The following PRKN variants were observed in gnomAD, a reference collection of about 807,000 sequenced individuals.
PRKN encodes the protein E3 ubiquitin-protein ligase parkin.
A neutral mutation model predicts 59.5 loss-of-function variants in PRKN; 56 were observed. The ratio of observed to expected loss-of-function variants is 0.94; its 90% CI spans 0.76 to 1.18. The LOEUF (loss-of-function observed/expected upper bound fraction) is 1.18, where lower values mean the gene tolerates loss of function less well. PRKN is among the 50% of genes most tolerant of loss of function. PRKN has a pLI of 0.00. For synonymous variants in PRKN, 250 were observed against 222.1 expected (o/e 1.13, Z -1.12); for missense variants, 657 against 596.4 (o/e 1.10, Z -1.06).
Position 161,451,351 on chromosome 6 carries a change from C to G in PRKN, c.1084-64474G>C, listed in dbSNP as rs1480743176. Among the ~76,000 whole-genome samples, 1 of 152,204 alleles carries G rather than the reference C, an allele frequency of 6.6e-6. No homozygotes were observed. The highest frequency in any genetic ancestry group is 2.4e-5 in the African/African-American group (1 of 41,436). On this transcript the variant is annotated intron_variant, in intron 9 of 11. Transcript: ENST00000366898. This position sits in a 1 kb window ranked among gnomAD's most constrained non-coding sequence, Gnocchi z 5.9. ...GAACATTGTCTTCTGTCAGCTCCCT[C>G]TTGATTTTGGGACCAAGCATTGAAT...
intron 7 of PRKN, among the ~76,000 whole-genome samples, chr6:161,768,332 G>A (rs7741770): frequency 0.083 from 12,626 of 152,162 alleles, 1,739 homozygotes; most frequent in African/African-American, 0.29. Flanking sequence ...TTACATGCGT[G>A]TGTACATTTT....
At chr6:162,045,506 G>A (rs924829705) in intron 5 of PRKN, among the ~76,000 whole-genome samples, 1 of 152,234 alleles carries the variant, frequency 6.6e-6, no homozygotes, top group Non-Finnish European at 1.5e-5. Context: ...TCAACAGTAC[G>A]TGACATCGTC....
Position 161,484,985 on chromosome 6 carries a change from G to T in PRKN, c.1083+63869C>A, listed in dbSNP as rs928272250. ...TTGAGGCAAAAATCAGGTCGGACTA[G>T]CATCAGTGGCAAAGGAACCAGTCAG... On this transcript the variant is annotated intron_variant, in intron 9 of 11. Transcript: ENST00000366898. This position sits in a 1 kb window ranked among gnomAD's most constrained non-coding sequence, Gnocchi z 4.9. Among the ~76,000 whole-genome samples the T allele has an allele frequency of 6.6e-6, 1 of 152,186 alleles. No homozygotes were observed. The highest frequency in any genetic ancestry group is 2.4e-5 in the African/African-American group (1 of 41,448).
At chr6:162,599,938 T>C (rs1292591834) in intron 1 of PRKN, among the ~76,000 whole-genome samples, 1 of 152,216 alleles carries the variant, frequency 6.6e-6, no homozygotes, top group East Asian at 1.9e-4. Flanking sequence ...GAAGAAACCA[T>C]GTATCCAAAT....
chr6:161,797,029 A>G (rs1415872848), intron 6 of PRKN, among the ~76,000 whole-genome samples: 1 of 152,220 alleles, frequency 6.6e-6, no homozygotes, highest in Non-Finnish European at 1.5e-5. Flanking sequence ...AAACCTCATG[A>G]CAGGAAGAAT....
intron 2 of PRKN, among the ~76,000 whole-genome samples, chr6:162,367,542 A>C (rs544442142): frequency 1.3e-5 from 2 of 152,260 alleles, no homozygotes; most frequent in East Asian, 3.9e-4. Context: ...TGCTCATAAA[A>C]TCTCCAGGAC....
At chr6:161,680,765 ATATATATATATT>A (rs1305058454) in intron 7 of PRKN, among the ~76,000 whole-genome samples, 13 of 10,888 alleles carry the variant, frequency 1.2e-3, no homozygotes, top group African/African-American at 2.8e-3. Context: ...ATATATATAT[ATATATATATATT>A]TTTTTTTTTT....
chr6:161,973,298 T>G lies in PRKN; in HGVS notation c.734+4A>C, dbSNP rs1342671422. The G allele has an allele frequency of 6.3e-7, 1 of 1,593,528 alleles. No individual in the cohort carries two copies. The highest frequency in any genetic ancestry group is 2.2e-5 in the East Asian group (1 of 44,776). On this transcript the variant is annotated splice_donor_region_variant and intron_variant, in intron 6 of 11. Transcript: ENST00000366898. ...GGGAAGTGACACTATTTTTAGATCC[T>G]TACCTGACGTCTGTGCACGTAATGC...
At chr6:162,722,015 C>T (rs1190283650) in intron 1 of PRKN, among the ~76,000 whole-genome samples, 3 of 152,138 alleles carry the variant, frequency 2.0e-5, no homozygotes, top group Non-Finnish European at 4.4e-5. Flanking sequence ...TTTCTAATTA[C>T]TCTTCTTCTG....
At chr6:161,865,886 A>T (rs1794092384) in intron 6 of PRKN, among the ~76,000 whole-genome samples, 2 of 152,194 alleles carry the variant, frequency 1.3e-5, no homozygotes, top group African/African-American at 4.8e-5. Context: ...AACTTGGATA[A>T]CTTATTGGAG....
chr6:161,393,924 A>C lies in PRKN; in HGVS notation c.1084-7047T>G, dbSNP rs1786628409. Reference sequence around the variant, plus strand: ...TTACTAGAGTCAAGGCAAACATCAAAGGCATGAAGCACACATTTGTACTTC... The same window carrying C: ...TTACTAGAGTCAAGGCAAACATCAACGGCATGAAGCACACATTTGTACTTC... On this transcript the variant is annotated intron_variant, in intron 9 of 11. Coordinates refer to ENST00000366898, the MANE Select transcript of PRKN (RefSeq NM_004562.3). This position sits in a 1 kb window ranked among gnomAD's most constrained non-coding sequence, Gnocchi z 4.7. 6.6e-6 allele frequency among the ~76,000 whole-genome samples: 1 copy of C among 152,166 alleles called. No homozygotes were observed. Among genetic ancestry groups the C allele is most frequent in the Non-Finnish European group, 1.5e-5 (1 of 68,036 alleles).
At chr6:162,454,652 T>C (rs1285573953) in intron 1 of PRKN, among the ~76,000 whole-genome samples, 2 of 152,212 alleles carry the variant, frequency 1.3e-5, no homozygotes, top group African/African-American at 4.8e-5. Context: ...CAATGGAAAG[T>C]TCTCCTATTC....
chr6:162,472,804 T>A lies in PRKN; in HGVS notation c.8-29331A>T, dbSNP rs868790610. Among the ~76,000 whole-genome samples, 7 of 94,088 alleles carry A rather than the reference T, an allele frequency of 7.4e-5. 1 individual carries two copies. Among genetic ancestry groups the A allele is most frequent in the East Asian group, 4.8e-4 (1 of 2,100 alleles). The allele number at this position is 94,088 out of a possible 152,430, so 61.7% of individuals were successfully genotyped here. A position where few individuals can be genotyped will look rare whatever the true frequency, so the allele number is the denominator to read the frequency against. On this transcript the variant is annotated intron_variant, in intron 1 of 11. Coordinates refer to ENST00000366898, the MANE Select transcript of PRKN (RefSeq NM_004562.3). ...CCGCGCCCGGCCCCAAACTTTTATT[T>A]TATATATATATATCTTAGTAGAAGT...
At chr6:162,418,827 G>A (rs1233891614) in intron 2 of PRKN, among the ~76,000 whole-genome samples, 1 of 151,806 alleles carries the variant, frequency 6.6e-6, no homozygotes, top group East Asian at 2.0e-4. Flanking sequence ...CCTGTCAGCA[G>A]ACCACTGCAG....
At chr6:162,156,044 T>C (rs1280043974) in intron 4 of PRKN, among the ~76,000 whole-genome samples, 2 of 148,822 alleles carry the variant, frequency 1.3e-5, no homozygotes, top group Non-Finnish European at 3.0e-5. Context: ...GTCATAAATA[T>C]ATGCCTTCAC....
At chr6:161,808,048 T>G (rs1791409630) in intron 6 of PRKN, among the ~76,000 whole-genome samples, 1 of 152,188 alleles carries the variant, frequency 6.6e-6, no homozygotes, top group Admixed American at 6.5e-5. Context: ...CCAGAGTAAT[T>G]GACTTAATCT....
chr6:162,380,911 C>T (rs940419099), intron 2 of PRKN, among the ~76,000 whole-genome samples: 7 of 152,084 alleles, frequency 4.6e-5, no homozygotes, highest in African/African-American at 1.7e-4. Flanking sequence ...TCAAGCCTCC[C>T]TTTTTGAGAA....
intron 4 of PRKN, among the ~76,000 whole-genome samples, chr6:162,160,905 A>AG (rs1421656298): frequency 7.6e-6 from 1 of 131,630 alleles, no homozygotes; most frequent in East Asian, 5.3e-4. Flanking sequence ...AAAAAAAAAA[A>AG]AAAAAAAAAA....
At chr6:161,937,978 G>C (rs1445839552) in intron 6 of PRKN, among the ~76,000 whole-genome samples, 1 of 152,068 alleles carries the variant, frequency 6.6e-6, no homozygotes, top group Non-Finnish European at 1.5e-5. Context: ...CAATGTAATA[G>C]TCTGCACAGA....
Sources: gnomAD v4.1 joint callset for allele counts (sites outside exome capture counted in the v4.1 genomes callset) on GRCh38, gnomAD v4.1.1 for gene constraint, Gnocchi (gnomAD v3.1) non-coding constraint, MANE v1.5 for transcripts, NCBI Gene and HGNC (gene_info 2026-07-23, HGNC 2026-07-21) for gene names.